Variants in MDGA2 observed in about 807,000 individuals in gnomAD.
The protein encoded by MDGA2 is MAM domain containing glycosylphosphatidylinositol anchor 2.
In MDGA2, 40 loss-of-function variants were observed where a neutral mutation model predicts 117.8. The observed-to-expected ratio is 0.34, with a 90% CI of 0.26 to 0.44. The LOEUF (loss-of-function observed/expected upper bound fraction) is 0.44. Among genes scored for constraint, MDGA2 ranks in the 20% least tolerant of loss-of-function variants. MDGA2 has a pLI of 1.00. For missense variants in MDGA2, 1,123 were observed against 1,250.6 expected (o/e 0.90, Z 1.54); for synonymous variants, 452 against 439.0 (o/e 1.03, Z -0.37).
intron 9 of MDGA2, among the ~76,000 whole-genome samples, chr14:46,933,390 G>A (rs978594027): frequency 6.6e-6 from 1 of 151,536 alleles, no homozygotes; most frequent in Admixed American, 6.6e-5. Context: ...TTTATGAATT[G>A]GGCTAGAATA....
At chr14:47,189,624 T>C (rs536559519) in intron 3 of MDGA2, among the ~76,000 whole-genome samples, 10 of 152,206 alleles carry the variant, frequency 6.6e-5, no homozygotes, top group Admixed American at 1.3e-4. Flanking sequence ...TTCATGATGA[T>C]TGAAAGCATG....
chr14:47,056,510 C>A lies in MDGA2; in HGVS notation c.1525+4739G>T, dbSNP rs148265664. On this transcript the variant is annotated intron_variant, in intron 7 of 16. Transcript: ENST00000399232. ...TACTCTAACAAGGTAGAAAAAAGAT[C>A]ATCAAAATCTGTATTGAGTCTTCTG... Among the ~76,000 whole-genome samples the A allele has an allele frequency of 1.1e-4, 17 of 152,248 alleles. 1 individual carries two copies. In the East Asian group the frequency reaches 3.1e-3, roughly 28 times the overall value.
rs1898161334 is a variant in MDGA2, at chr14:47,675,244, A to C, written c.-448T>G. Among the ~76,000 whole-genome samples the C allele has an allele frequency of 2.6e-5, 4 of 151,294 alleles. No individual in the cohort carries two copies. In the East Asian group the frequency reaches 7.8e-4, roughly 30 times the overall value. The stretch of plus-strand genomic sequence containing the variant: ...CAGCCCTGCTGTCTTGCCTTCCCCC[A>C]TTCCATCAGTTGCCATTGCAACGCC... On this transcript the variant is annotated 5_prime_UTR_variant, in exon 1 of 17. An upstream start codon of the reference 5' UTR is lost. Transcript: ENST00000399232.
At chr14:47,383,912 T>A (rs1415701524) in intron 1 of MDGA2, among the ~76,000 whole-genome samples, 1 of 152,010 alleles carries the variant, frequency 6.6e-6, no homozygotes, top group Non-Finnish European at 1.5e-5. Flanking sequence ...AAAAAAATTG[T>A]CATCTATGGA....
chr14:47,475,069 T>G, intron 1 of MDGA2, among the ~76,000 whole-genome samples: 1 of 152,176 alleles, frequency 6.6e-6, no homozygotes, highest in East Asian at 1.9e-4. Flanking sequence ...GGAGAAAATT[T>G]TTGCAATCTA....
intron 2 of MDGA2, among the ~76,000 whole-genome samples, chr14:47,244,458 T>A (rs1887172567): frequency 6.6e-6 from 1 of 151,940 alleles, no homozygotes; most frequent in South Asian, 2.1e-4. Flanking sequence ...GCCTTTGGTA[T>A]CTAACATATT....
At chr14:47,015,038 A>G (rs191519546) in intron 8 of MDGA2, among the ~76,000 whole-genome samples, 7 of 152,274 alleles carry the variant, frequency 4.6e-5, no homozygotes, top group African/African-American at 1.7e-4. Flanking sequence ...TAACTGGCCT[A>G]ATTGTAATAT....
intron 8 of MDGA2, among the ~76,000 whole-genome samples, chr14:46,966,759 A>T (rs1342277600): frequency 6.6e-6 from 1 of 151,900 alleles, no homozygotes; most frequent in Admixed American, 6.6e-5. Flanking sequence ...TGATTTTAGC[A>T]TTTTCTTTTT....
rs568965570 is a variant in MDGA2, at chr14:46,942,207, G to A, written c.2089+15167C>T. Among the ~76,000 whole-genome samples, 108 of 152,144 alleles carry A rather than the reference G, an allele frequency of 7.1e-4. 1 individual carries two copies. The highest frequency in any genetic ancestry group is 1.3e-3 in the Non-Finnish European group (86 of 67,962). ...AATAATTTTGAAGGCTAGTGGAGGA[G>A]AAAAAGGAACAAATCATTCTTGAGG... is the stretch of plus-strand genomic sequence containing the variant. On this transcript the variant is annotated intron_variant, in intron 9 of 16. Coordinates refer to ENST00000399232, the MANE Select transcript of MDGA2 (RefSeq NM_001113498.3).
chr14:46,846,391 AT>A (rs1880840536), intron 15 of MDGA2, among the ~76,000 whole-genome samples: 1 of 152,128 alleles, frequency 6.6e-6, no homozygotes, highest in Non-Finnish European at 1.5e-5. Flanking sequence ...GGTTCGTCAT[AT>A]TCCCATGTTG....
intron 2 of MDGA2, among the ~76,000 whole-genome samples, chr14:47,232,913 CAG>C (rs1393315507): frequency 2.6e-5 from 4 of 152,076 alleles, no homozygotes; most frequent in Non-Finnish European, 4.4e-5. Context: ...GCACCATCAA[CAG>C]AGTGTGAACA....
At chr14:47,101,112 G>T (rs1366297103) in intron 5 of MDGA2, among the ~76,000 whole-genome samples, 1 of 135,950 alleles carries the variant, frequency 7.4e-6, no homozygotes, top group Non-Finnish European at 1.6e-5. Context: ...TAGATAGATA[G>T]ATAGATAGAT....
Position 47,674,621 on chromosome 14 carries a change from G to A in MDGA2, c.176C>T (p.Pro59Leu), listed in dbSNP as rs1898141679. 1.3e-6 allele frequency: 2 copies of A among 1,545,326 alleles called. No individual in the cohort carries two copies. Among genetic ancestry groups the A allele is most frequent in the Non-Finnish European group, 1.8e-6 (2 of 1,141,726 alleles). The change falls in exon 1 of 17, where the codon CCC becomes CTC. Residue 59 changes from proline (P) to leucine (L), a missense_variant. Coordinates refer to ENST00000399232, the MANE Select transcript of MDGA2 (RefSeq NM_001113498.3). The part of the protein sequence containing the change: ...AGLLKVPLRT[P>L]WAGYVHVHVK... ...GTGAACATGAACATATCCAGCCCAGGGGGTACGCAACGGGACCTTCAGGAG... is the reference window on the plus strand; with the variant it reads ...GTGAACATGAACATATCCAGCCCAGAGGGTACGCAACGGGACCTTCAGGAG...
At chr14:47,459,817 C>G (rs1233448581) in intron 1 of MDGA2, among the ~76,000 whole-genome samples, 2 of 152,050 alleles carry the variant, frequency 1.3e-5, no homozygotes, top group Non-Finnish European at 2.9e-5. Flanking sequence ...GTTATGGTAG[C>G]TGCTTCTCCC....
intron 2 of MDGA2, among the ~76,000 whole-genome samples, chr14:47,263,922 C>A (rs1264930294): frequency 1.3e-5 from 2 of 152,066 alleles, no homozygotes; most frequent in Non-Finnish European, 2.9e-5. Context: ...AACCTGTGAC[C>A]ACACTTACAT....
chr14:47,499,346 T>C (rs936927714), intron 1 of MDGA2, among the ~76,000 whole-genome samples: 1 of 152,174 alleles, frequency 6.6e-6, no homozygotes, highest in African/African-American at 2.4e-5. Context: ...ATTTTGCCTA[T>C]ATATTTGTTA....
At chr14:47,568,598 A>C (rs1385000755) in intron 1 of MDGA2, among the ~76,000 whole-genome samples, 1 of 152,216 alleles carries the variant, frequency 6.6e-6, no homozygotes, top group Non-Finnish European at 1.5e-5. Flanking sequence ...TGCCCCAAAC[A>C]CTATTAAGCT....
chr14:47,390,601 G>A (rs1334130498), intron 1 of MDGA2, among the ~76,000 whole-genome samples: 1 of 152,182 alleles, frequency 6.6e-6, no homozygotes, highest in South Asian at 2.1e-4. Flanking sequence ...TTGGGAACAC[G>A]TAGGAAATGA....
chr14:47,439,357 C>T (rs940869553), intron 1 of MDGA2, among the ~76,000 whole-genome samples: 3 of 151,708 alleles, frequency 2.0e-5, no homozygotes, highest in Admixed American at 1.3e-4. Context: ...GTATGTTTAT[C>T]TCCTAAATGA....
Sources: gnomAD v4.1 joint callset for allele counts (sites outside exome capture counted in the v4.1 genomes callset) on GRCh38, gnomAD v4.1.1 for gene constraint, MANE v1.5 for transcripts, NCBI Gene and HGNC (gene_info 2026-07-23, HGNC 2026-07-21) for gene names.